Variants in CSMD1 observed in about 807,000 individuals in gnomAD.
CSMD1 encodes CUB and sushi domain-containing protein 1.
A neutral mutation model predicts 417.5 loss-of-function variants in CSMD1; 213 were observed. The observed-to-expected ratio is 0.51, with a 90% CI of 0.46 to 0.57. The LOEUF (loss-of-function observed/expected upper bound fraction) is 0.57, where lower values mean the gene tolerates loss of function less well. CSMD1 is among the 20% of genes least tolerant of loss of function. The pLI is 0.00. For missense variants in CSMD1, 6,923 were observed against 4,529.7 expected (o/e 1.53, Z -15.17); for synonymous variants, 2,862 against 1,736.8 (o/e 1.65, Z -16.11).
chr8:3,826,024 G>A lies in CSMD1; in HGVS notation c.819-71982C>T, dbSNP rs118126390. On this transcript the variant is annotated intron_variant, in intron 5 of 69. Transcript: ENST00000635120. ...CTTTATTCACTTGCCTTTTTCAAAG[G>A]CCAACGTGTTGTCTTTCAAATGGAG... 7.5e-4 allele frequency among the ~76,000 whole-genome samples: 114 copies of A among 152,200 alleles called. 2 individuals carry two copies. In the East Asian group the frequency reaches 0.019, roughly 26 times the overall value.
At chr8:4,329,951 C>A (rs951644086) in intron 3 of CSMD1, among the ~76,000 whole-genome samples, 4 of 152,100 alleles carry the variant, frequency 2.6e-5, no homozygotes, top group African/African-American at 9.7e-5. Flanking sequence ...TCTGCCATGA[C>A]TGGAAGCTCC....
At chr8:3,632,724 A>G (rs773712190) in intron 7 of CSMD1, among the ~76,000 whole-genome samples, 2 of 152,124 alleles carry the variant, frequency 1.3e-5, no homozygotes, top group East Asian at 3.9e-4. Flanking sequence ...AGTTAAAAAG[A>G]TGACCACACC....
rs34864346 is a variant in CSMD1, at chr8:4,349,657, C to A, written c.415+70296G>T. ...AATTGCATACCTTCATAATATTTGG[C>A]TAAATGGTAAATTTTGAAATGTGGC... On this transcript the variant is annotated intron_variant, in intron 3 of 69. Coordinates refer to ENST00000635120, the MANE Select transcript of CSMD1 (RefSeq NM_033225.6). Among the ~76,000 whole-genome samples the A allele has an allele frequency of 3.9e-5, 6 of 152,126 alleles. No homozygotes were observed. The East Asian group carries it at 5.8e-4, about 15-fold the overall frequency.
intron 5 of CSMD1, among the ~76,000 whole-genome samples, chr8:3,923,716 T>TA (rs1277252594): frequency 3.5e-4 from 53 of 152,176 alleles, no homozygotes; most frequent in Admixed American, 3.5e-3. Flanking sequence ...CTCTAGTTCT[T>TA]ATGCTTCCTG....
chr8:3,377,400 G>C (rs948060550), intron 18 of CSMD1, among the ~76,000 whole-genome samples: 4 of 152,080 alleles, frequency 2.6e-5, no homozygotes, highest in African/African-American at 9.7e-5. Context: ...TCCTTCGAAA[G>C]GTTTAAATCT....
chr8:4,351,581 T>C (rs939213387), intron 3 of CSMD1, among the ~76,000 whole-genome samples: 1 of 152,182 alleles, frequency 6.6e-6, no homozygotes, highest in South Asian at 2.1e-4. Flanking sequence ...GCATGTTTTA[T>C]GCAAAAATCC....
rs1799427785 is a variant in CSMD1 at position 4,581,726 on chromosome 8, T to G, written c.302+55616A>C. Among the ~76,000 whole-genome samples the G allele has an allele frequency of 3.9e-5, 6 of 152,174 alleles. No homozygotes were observed. The South Asian group carries it at 1.2e-3, about 32-fold the overall frequency. ...GTCGGTTTTAACAGCTTCCAGAGAATTCCCAGAGGGCCCTCACCTCAGACC... is the reference window on the plus strand; with the variant it reads ...GTCGGTTTTAACAGCTTCCAGAGAAGTCCCAGAGGGCCCTCACCTCAGACC... On this transcript the variant is annotated intron_variant, in intron 2 of 69. Coordinates refer to ENST00000635120, the MANE Select transcript of CSMD1 (RefSeq NM_033225.6).
At chr8:4,806,838 G>T (rs942385644) in intron 1 of CSMD1, among the ~76,000 whole-genome samples, 1 of 152,086 alleles carries the variant, frequency 6.6e-6, no homozygotes, top group South Asian at 2.1e-4. Context: ...AAAAGATGAA[G>T]GTGTCATAAA....
At chr8:3,960,329 T>C (rs1812237703) in intron 5 of CSMD1, among the ~76,000 whole-genome samples, 1 of 152,172 alleles carries the variant, frequency 6.6e-6, no homozygotes, top group African/African-American at 2.4e-5. Context: ...ACATTAAACT[T>C]TCCAAATGTA....
chr8:3,006,284 A>G (rs961267171), intron 52 of CSMD1, among the ~76,000 whole-genome samples: 7 of 151,688 alleles, frequency 4.6e-5, no homozygotes, highest in Non-Finnish European at 1.0e-4. Flanking sequence ...GATACAAACA[A>G]ACGGAAGAAC....
intron 50 of CSMD1, among the ~76,000 whole-genome samples, chr8:3,049,347 G>A (rs750796025): frequency 2.6e-5 from 4 of 152,096 alleles, no homozygotes; most frequent in African/African-American, 7.2e-5. Flanking sequence ...TTGTCTGTAC[G>A]TAAACGGGTA....
intron 3 of CSMD1, among the ~76,000 whole-genome samples, chr8:4,292,796 T>C (rs1029934728): frequency 8.5e-5 from 13 of 152,232 alleles, no homozygotes; most frequent in Non-Finnish European, 1.8e-4. Flanking sequence ...CCCAACCATG[T>C]ATCTTATTAC....
intron 5 of CSMD1, among the ~76,000 whole-genome samples, chr8:3,981,785 T>C (rs2130187365): frequency 6.6e-6 from 1 of 152,188 alleles, no homozygotes; most frequent in Middle Eastern, 3.4e-3. Flanking sequence ...CTTCACAAAG[T>C]CAAGAGAAGA....
intron 2 of CSMD1, among the ~76,000 whole-genome samples, chr8:4,543,835 T>C (rs189372023): frequency 1.3e-5 from 2 of 152,124 alleles, no homozygotes; most frequent in Non-Finnish European, 2.9e-5. Context: ...CTACTAGGAA[T>C]GTGGTGGTAT....
chr8:4,217,639 G>C (rs1342050408), intron 3 of CSMD1, among the ~76,000 whole-genome samples: 5 of 145,918 alleles, frequency 3.4e-5, no homozygotes, highest in East Asian at 2.1e-4. Flanking sequence ...TGAAAAAGTT[G>C]ACTCAGTTGA....
chr8:3,050,311 A>C (rs1811736814), intron 50 of CSMD1, among the ~76,000 whole-genome samples: 1 of 152,196 alleles, frequency 6.6e-6, no homozygotes. Flanking sequence ...TCTGCAAATT[A>C]GTAGTTTTCA....
chr8:3,935,036 T>G (rs1364034782), intron 5 of CSMD1, among the ~76,000 whole-genome samples: 2 of 152,134 alleles, frequency 1.3e-5, no homozygotes, highest in Non-Finnish European at 2.9e-5. Context: ...CCAAAGCTAG[T>G]CTCGTTTCTT....
At chr8:4,003,812 G>T (rs565808620) in intron 4 of CSMD1, among the ~76,000 whole-genome samples, 4 of 150,910 alleles carry the variant, frequency 2.7e-5, no homozygotes. Flanking sequence ...TATATTGTAC[G>T]TGTCTGATAT....
intron 18 of CSMD1, among the ~76,000 whole-genome samples, chr8:3,386,364 T>C (rs1811003762): frequency 6.6e-6 from 1 of 152,006 alleles, no homozygotes; most frequent in Non-Finnish European, 1.5e-5. Flanking sequence ...CTGCCCAGAG[T>C]GCAGCATTCC....
Sources: allele counts gnomAD v4.1 joint callset (sites outside exome capture counted in the v4.1 genomes callset), GRCh38; gene constraint gnomAD v4.1.1; transcripts MANE v1.5; gene names NCBI Gene and HGNC (gene_info 2026-07-23, HGNC 2026-07-21).